Variants in CSNK2A1 observed in about 807,000 individuals in gnomAD.
CSNK2A1 encodes the protein casein kinase II subunit alpha.
Under a neutral mutation model 62.9 loss-of-function variants are expected in CSNK2A1, and 10 were observed. The observed-to-expected ratio is 0.16, with a 90% CI of 0.10 to 0.27. The LOEUF (loss-of-function observed/expected upper bound fraction) is 0.27, where lower values mean the gene tolerates loss of function less well. Ranked by LOEUF, CSNK2A1 falls within the 10% of genes least tolerant of loss-of-function variation. The probability of loss-of-function intolerance (pLI) is 1.00; values close to 1 mark genes in which losing one functional copy is unlikely to be tolerated. For synonymous variants in CSNK2A1, 124 were observed against 167.8 expected (o/e 0.74, Z 2.02); for missense variants, 160 against 492.0 (o/e 0.33, Z 6.38).
rs2018420404 is a variant in CSNK2A1, at chr20:499,776, T to C, written c.315+57A>G. 3 of 1,545,958 alleles carry C rather than the reference T, an allele frequency of 1.9e-6. No individual in the cohort carries two copies. Among genetic ancestry groups the C allele is most frequent in the Admixed American group, 1.7e-5 (1 of 59,288 alleles). ...GGGAACAAAAAGAGGCCAGTTGTGC[T>C]CCAGGTCAAACACCATCTCAGCTCT... On this transcript the variant is annotated intron_variant, in intron 5 of 13. Transcript: ENST00000217244. The surrounding 1 kb of genome is among the most constrained non-coding windows in gnomAD (Gnocchi z 4.2).
Position 486,449 on chromosome 20 carries a change from C to T in CSNK2A1, c.987G>A (p.Lys329=), listed in dbSNP as rs2018101259. The change falls in exon 13 of 14, where the codon AAG becomes AAA. Residue 329 remains lysine (K), a synonymous_variant. Coordinates refer to ENST00000217244, the MANE Select transcript of CSNK2A1 (RefSeq NM_177559.3). ...MEHPYFYTVV[K]DQARMGSSSM... ...TAGATGAACCCATTCGAGCCTGGTC[C>T]TTCACAACAGTGTCTAGAAAAGAGA... The T allele has an allele frequency of 1.2e-6, 2 of 1,613,382 alleles. No homozygotes were observed. Among genetic ancestry groups the T allele is most frequent in the Non-Finnish European group, 1.7e-6 (2 of 1,179,882 alleles).
intron 9 of CSNK2A1, among the ~76,000 whole-genome samples, chr20:491,192 C>T (rs1178284859): frequency 6.6e-6 from 1 of 152,144 alleles, no homozygotes; most frequent in African/African-American, 2.4e-5. Context: ...ATAAAAGATA[C>T]TCCCAAGAAA....
chr20:524,755 T>C (rs548590701), intron 2 of CSNK2A1, among the ~76,000 whole-genome samples: 1 of 148,336 alleles, frequency 6.7e-6, no homozygotes, highest in South Asian at 2.1e-4. Flanking sequence ...ACATGGGGTA[T>C]ATATTATATA....
At chr20:503,624 T>C (rs1284438444) in intron 4 of CSNK2A1, 2 of 398,482 alleles carry the variant, frequency 5.0e-6, no homozygotes, top group East Asian at 3.6e-5. Flanking sequence ...TGATGGATTG[T>C]GTTATACTCC....
At chr20:517,659 T>C (rs938524906) in intron 2 of CSNK2A1, among the ~76,000 whole-genome samples, 1 of 152,138 alleles carries the variant, frequency 6.6e-6, no homozygotes, top group African/African-American at 2.4e-5. Flanking sequence ...TGGAAAACAT[T>C]AAAACAAGAA....
In CSNK2A1 at chr20:499,630, C is replaced by T. The variant is rs1161268193; in HGVS notation, c.315+203G>A. 4 of 592,214 alleles carry T rather than the reference C, an allele frequency of 6.8e-6. No individual in the cohort carries two copies. Among genetic ancestry groups the T allele is most frequent in the African/African-American group, 1.9e-5 (1 of 53,900 alleles). The allele number at this position is 592,214 out of a possible 1,614,324, so 36.7% of individuals were successfully genotyped here. A position where few individuals can be genotyped will look rare whatever the true frequency, so the allele number is the denominator to read the frequency against. On this transcript the variant is annotated intron_variant, in intron 5 of 13. Coordinates refer to ENST00000217244, the MANE Select transcript of CSNK2A1 (RefSeq NM_177559.3). This position sits in a 1 kb window ranked among gnomAD's most constrained non-coding sequence, Gnocchi z 4.2. ...GTTTCCAGTGCTATCAGTCTCTTAGCCTAGAAGAATAAGAAATAGTCTGTG... is the reference window on the plus strand; with the variant it reads ...GTTTCCAGTGCTATCAGTCTCTTAGTCTAGAAGAATAAGAAATAGTCTGTG...
intron 1 of CSNK2A1, among the ~76,000 whole-genome samples, chr20:534,903 G>GGT (rs2019281063): frequency 6.6e-6 from 1 of 150,826 alleles, no homozygotes; most frequent in Admixed American, 6.6e-5. Context: ...GCGTGGCAGC[G>GGT]TGCGCCTGTA....
chr20:480,062 G>A lies in CSNK2A1; in HGVS notation c.*3899C>T, dbSNP rs1437114321. 6.6e-6 allele frequency: 1 copy of A among 152,110 alleles called. No homozygotes were observed. The highest frequency in any genetic ancestry group is 1.5e-5 in the Non-Finnish European group (1 of 68,030). 9.4% of individuals were successfully genotyped at this position (152,110 alleles called of 1,614,324 possible). A position where few individuals can be genotyped will look rare whatever the true frequency, so the allele number is the denominator to read the frequency against. Reference sequence around the variant, plus strand: ...CTGCAGCATCTAAGTCTACTAAATTGGCCAGGATCATTCCTTAGTCTTCAG... The same window carrying A: ...CTGCAGCATCTAAGTCTACTAAATTAGCCAGGATCATTCCTTAGTCTTCAG... On this transcript the variant is annotated 3_prime_UTR_variant, in exon 14 of 14. Transcript: ENST00000217244.
At chr20:507,830 T>C (rs1219612107) in intron 3 of CSNK2A1, 1 of 152,222 alleles carries the variant, frequency 6.6e-6, no homozygotes, top group Non-Finnish European at 1.5e-5. Flanking sequence ...ATAAGCAAGC[T>C]GATAGGTAAC....
At chr20:486,522 G>A (rs2018102870) in intron 12 of CSNK2A1, 60 bp from the exon 13 acceptor site, 1 of 1,580,790 alleles carries the variant, frequency 6.3e-7, no homozygotes, top group Admixed American at 1.8e-5. Flanking sequence ...CTAATGGTCT[G>A]GAAGCCTGAA....
intron 6 of CSNK2A1, chr20:498,333 A>ATTTTTTTTTTTT (rs2018387326): frequency 7.3e-6 from 1 of 136,108 alleles, no homozygotes; most frequent in African/African-American, 2.8e-5. Context: ...ACATGGACAT[A>ATTTTTTTTTTTT]TCTTTTTTTT....
At chr20:522,635 C>A (rs143627302) in intron 2 of CSNK2A1, among the ~76,000 whole-genome samples, 1 of 152,256 alleles carries the variant, frequency 6.6e-6, no homozygotes, top group Non-Finnish European at 1.5e-5. Context: ...CTGGTAAAAT[C>A]CAAACAAAGC....
In CSNK2A1 at chr20:499,409, C is replaced by A. The variant is rs1036631193; in HGVS notation, c.316-104G>T. 67 of 1,041,140 alleles carry A rather than the reference C, an allele frequency of 6.4e-5. No individual in the cohort carries two copies. The highest frequency in any genetic ancestry group is 8.4e-5 in the Non-Finnish European group (60 of 711,658). The allele number at this position is 1,041,140 out of a possible 1,614,324, so 64.5% of individuals were successfully genotyped here. On this transcript the variant is annotated intron_variant, in intron 5 of 13. Transcript: ENST00000217244. This position sits in a 1 kb window ranked among gnomAD's most constrained non-coding sequence, Gnocchi z 4.2. ...CTGCGTGGTGAAATTTGGCAGTCCT[C>A]GCCTCAGTAGTAAGAAACCCTCTAT...
chr20:501,498 C>T (rs2018469180), intron 4 of CSNK2A1: 1 of 152,142 alleles, frequency 6.6e-6, no homozygotes, highest in Non-Finnish European at 1.5e-5. Flanking sequence ...AATTAATGTA[C>T]TTTATTAATC....
At chr20:485,330 C>A (rs1049238841) in intron 13 of CSNK2A1, among the ~76,000 whole-genome samples, 1 of 151,036 alleles carries the variant, frequency 6.6e-6, no homozygotes, top group Non-Finnish European at 1.5e-5. Context: ...TTAAAGGCGC[C>A]GCCGCCACGC....
chr20:497,594 C>T, intron 7 of CSNK2A1, 127 bp downstream of exon 7: 1 of 737,464 alleles, frequency 1.4e-6, no homozygotes, highest in South Asian at 1.6e-5. Context: ...TTATTAAAAA[C>T]TTATATAGAG....
At chr20:524,512 G>C (rs902295203) in intron 2 of CSNK2A1, among the ~76,000 whole-genome samples, 3 of 149,706 alleles carry the variant, frequency 2.0e-5, no homozygotes, top group African/African-American at 7.4e-5. Flanking sequence ...AGGAGTTTGA[G>C]ACCAGCCTGG....
Position 488,401 on chromosome 20 carries a change from C to T in CSNK2A1, c.824+277G>A, listed in dbSNP as rs76884092. 1.5e-3 allele frequency: 450 copies of T among 301,294 alleles called. 4 individuals are homozygous for T. Among genetic ancestry groups the T allele is most frequent in the African/African-American group, 9.2e-3 (418 of 45,398 alleles). The allele number at this position is 301,294 out of a possible 1,614,324, so 18.7% of individuals were successfully genotyped here. A position where few individuals can be genotyped will look rare whatever the true frequency, so the allele number is the denominator to read the frequency against. ...GAAGCAAGGTAAATTTTGATTTTTG[C>T]CTCAACTGTAACCCTTCTACTAGAA... On this transcript the variant is annotated intron_variant, in intron 11 of 13. Transcript: ENST00000217244.
Position 481,405 on chromosome 20 carries a change from A to G in CSNK2A1, c.*2556T>C, listed in dbSNP as rs1307761782. 6.6e-6 allele frequency: 1 copy of G among 152,052 alleles called. No individual in the cohort carries two copies. Among genetic ancestry groups the G allele is most frequent in the African/African-American group, 2.4e-5 (1 of 41,400 alleles). The allele number at this position is 152,052 out of a possible 1,614,324, so 9.4% of individuals were successfully genotyped here. On this transcript the variant is annotated 3_prime_UTR_variant, in exon 14 of 14. Coordinates refer to ENST00000217244, the MANE Select transcript of CSNK2A1 (RefSeq NM_177559.3). ...CAATGCAGACACAGGTAGTGCTGAG[A>G]AATAGTGTCCCAATACAAGGTATAC...
Sources: gnomAD v4.1 joint callset for allele counts (sites outside exome capture counted in the v4.1 genomes callset) on GRCh38, gnomAD v4.1.1 for gene constraint, Gnocchi (gnomAD v3.1) non-coding constraint, MANE v1.5 for transcripts, NCBI Gene and HGNC (gene_info 2026-07-23, HGNC 2026-07-21) for gene names.